The following ERBB4 variants were observed in gnomAD, a reference collection of about 807,000 sequenced individuals.
ERBB4 encodes the protein erb-b2 receptor tyrosine kinase 4, also known as receptor tyrosine-protein kinase erbB-4.
Under a neutral mutation model 158.0 loss-of-function variants are expected in ERBB4, and 42 were observed. The observed-to-expected ratio is 0.27, with a 90% CI of 0.21 to 0.34. ERBB4 has a LOEUF of 0.34. Ranked by LOEUF, ERBB4 falls within the 10% of genes least tolerant of loss-of-function variation. ERBB4 has a pLI of 1.00. For synonymous variants in ERBB4, 583 were observed against 558.7 expected (o/e 1.04, Z -0.61); for missense variants, 1,333 against 1,624.1 (o/e 0.82, Z 3.08).
chr2:211,674,458 G>T (rs2071975070), intron 13 of ERBB4, among the ~76,000 whole-genome samples: 1 of 152,038 alleles, frequency 6.6e-6, no homozygotes, highest in African/African-American at 2.4e-5. Context: ...ATTAAGTTTG[G>T]TTTTCCAAAT....
intron 7 of ERBB4, among the ~76,000 whole-genome samples, chr2:211,719,882 A>G (rs1158981066): frequency 1.3e-5 from 2 of 152,024 alleles, no homozygotes; most frequent in Admixed American, 6.6e-5. Flanking sequence ...AAAAAAAAAA[A>G]AAAGGAAAGT....
intron 2 of ERBB4, among the ~76,000 whole-genome samples, chr2:211,980,988 CA>C (rs2081776984): frequency 6.7e-6 from 1 of 150,328 alleles, no homozygotes; most frequent in Admixed American, 6.7e-5. Flanking sequence ...TACCGCTCCC[CA>C]CCATCTGTAT....
chr2:211,841,228 T>A (rs2077462692), intron 3 of ERBB4, among the ~76,000 whole-genome samples: 1 of 152,106 alleles, frequency 6.6e-6, no homozygotes. Context: ...CTCTTATTAG[T>A]TTCCAATGTG....
chr2:211,471,634 C>A (rs1430740475), intron 20 of ERBB4, among the ~76,000 whole-genome samples: 3 of 151,962 alleles, frequency 2.0e-5, no homozygotes, highest in African/African-American at 4.8e-5. Flanking sequence ...GTGGCTAATG[C>A]CAGAAAAAGC....
chr2:211,799,483 T>TA (rs1480143866), intron 3 of ERBB4, among the ~76,000 whole-genome samples: 2 of 152,214 alleles, frequency 1.3e-5, no homozygotes. Context: ...CCAGATGGTT[T>TA]AGTCCACTCA....
intron 19 of ERBB4, among the ~76,000 whole-genome samples, chr2:211,599,973 T>C (rs954443936): frequency 1.3e-5 from 2 of 152,140 alleles, no homozygotes; most frequent in South Asian, 2.1e-4. Context: ...CTTGTTTCCA[T>C]GTGAGGATGA....
chr2:211,582,592 G>C (rs2068136698), intron 19 of ERBB4, among the ~76,000 whole-genome samples: 1 of 152,072 alleles, frequency 6.6e-6, no homozygotes, highest in Admixed American at 6.6e-5. Flanking sequence ...TTCATCAGAG[G>C]AACCAGAACT....
intron 1 of ERBB4, among the ~76,000 whole-genome samples, chr2:212,379,633 G>C (rs1487384851): frequency 1.3e-5 from 2 of 151,036 alleles, no homozygotes; most frequent in East Asian, 3.9e-4. Flanking sequence ...AACTATTTTT[G>C]GCAATGGGAA....
chr2:212,463,677 C>T (rs995151414), intron 1 of ERBB4, among the ~76,000 whole-genome samples: 9 of 152,000 alleles, frequency 5.9e-5, no homozygotes, highest in Non-Finnish European at 7.4e-5. Flanking sequence ...TAAAATGATA[C>T]GTTACAATGC....
intron 1 of ERBB4, among the ~76,000 whole-genome samples, chr2:212,392,415 A>T (rs958830685): frequency 6.6e-6 from 1 of 152,122 alleles, no homozygotes; most frequent in African/African-American, 2.4e-5. Context: ...AAGGCATACA[A>T]GAAAGCAAGA....
intron 13 of ERBB4, among the ~76,000 whole-genome samples, chr2:211,674,795 C>A (rs891824692): frequency 6.6e-6 from 1 of 152,032 alleles, no homozygotes; most frequent in Admixed American, 6.6e-5. Flanking sequence ...TGAGATTATC[C>A]ACTGGTTTTG....
chr2:211,575,529 T>A (rs1051985039), intron 19 of ERBB4, among the ~76,000 whole-genome samples: 2 of 152,198 alleles, frequency 1.3e-5, no homozygotes, highest in Non-Finnish European at 2.9e-5. Flanking sequence ...TTTAATCACT[T>A]AGAGCTTTAC....
Position 211,762,364 on chromosome 2 carries a change from CCA to C in ERBB4, c.557-11662_557-11661del, listed in dbSNP as rs571053942. On this transcript the variant is annotated intron_variant, in intron 4 of 27. Coordinates refer to ENST00000342788, the MANE Select transcript of ERBB4 (RefSeq NM_005235.3). ...CATCCTTTGACAAAGGCGTGAAAAGCCACAGTTTCAGCAAGAATGTTACGAAT... is the reference window on the plus strand; with the variant it reads ...CATCCTTTGACAAAGGCGTGAAAAGCCAGTTTCAGCAAGAATGTTACGAAT... Among the ~76,000 whole-genome samples, 5 of 152,272 alleles carry C rather than the reference CCA, an allele frequency of 3.3e-5. No homozygotes were observed. In the East Asian group the frequency reaches 5.8e-4, roughly 18 times the overall value.
chr2:211,682,253 A>G (rs890346954), intron 12 of ERBB4, among the ~76,000 whole-genome samples: 1 of 152,150 alleles, frequency 6.6e-6, no homozygotes, highest in Non-Finnish European at 1.5e-5. Context: ...AGGCCTAAGA[A>G]CCAGAAGCAT....
intron 1 of ERBB4, among the ~76,000 whole-genome samples, chr2:212,188,726 G>C (rs1424703002): frequency 6.6e-6 from 1 of 151,626 alleles, no homozygotes; most frequent in African/African-American, 2.4e-5. Context: ...TCAGAACTCA[G>C]TTTAAATACT....
At chr2:212,283,906 T>C (rs2085855953) in intron 1 of ERBB4, among the ~76,000 whole-genome samples, 2 of 152,096 alleles carry the variant, frequency 1.3e-5, no homozygotes, top group Non-Finnish European at 2.9e-5. Flanking sequence ...TTGTTATTGT[T>C]TATTGACACT....
At chr2:212,113,817 T>C (rs986275162) in intron 2 of ERBB4, among the ~76,000 whole-genome samples, 8 of 152,046 alleles carry the variant, frequency 5.3e-5, no homozygotes, top group Non-Finnish European at 1.0e-4. Context: ...GGGTAGTATA[T>C]CATTTATTAT....
intron 1 of ERBB4, among the ~76,000 whole-genome samples, chr2:212,308,091 C>G (rs2086880535): frequency 1.3e-5 from 2 of 151,072 alleles, no homozygotes; most frequent in Middle Eastern, 6.8e-3. Flanking sequence ...TGATACAGAG[C>G]TGAATGAGCT....
At chr2:211,917,303 G>A (rs2079723525) in intron 3 of ERBB4, among the ~76,000 whole-genome samples, 1 of 146,628 alleles carries the variant, frequency 6.8e-6, no homozygotes, top group Non-Finnish European at 1.5e-5. Flanking sequence ...CATGCTGTGT[G>A]CTACAGAGAT....
Sources: allele counts gnomAD v4.1 joint callset (sites outside exome capture counted in the v4.1 genomes callset), GRCh38; gene constraint gnomAD v4.1.1; transcripts MANE v1.5; gene names NCBI Gene and HGNC (gene_info 2026-07-23, HGNC 2026-07-21).